MAST4: variants seen among roughly 807,000 people sequenced by gnomAD.
MAST4 encodes the protein microtubule associated serine/threonine kinase family member 4, also known as microtubule-associated serine/threonine-protein kinase 4.
A neutral mutation model predicts 162.7 loss-of-function variants in MAST4; 89 were observed. The ratio of observed to expected loss-of-function variants is 0.55; its 90% CI spans 0.46 to 0.65. MAST4 has a LOEUF of 0.65. Among genes scored for constraint, MAST4 ranks in the 30% least tolerant of loss-of-function variants. The pLI is 0.00. For missense variants in MAST4, 3,153 were observed against 3,374.0 expected (o/e 0.93, Z 1.62); for synonymous variants, 1,479 against 1,361.1 (o/e 1.09, Z -1.91).
chr5:66,996,822 C>T (rs1322289435), intron 4 of MAST4, among the ~76,000 whole-genome samples: 2 of 152,180 alleles, frequency 1.3e-5, no homozygotes, highest in African/African-American at 4.8e-5. Context: ...AGGACCAACT[C>T]CTCATCTCAA....
intron 2 of MAST4, among the ~76,000 whole-genome samples, chr5:66,776,096 A>G (rs1754588095): frequency 6.6e-6 from 1 of 152,238 alleles, no homozygotes; most frequent in South Asian, 2.1e-4. Context: ...CCTTGTAAAA[A>G]TAGAGAACGT....
At chr5:66,945,802 A>G (rs1444848961) in intron 4 of MAST4, among the ~76,000 whole-genome samples, 1 of 152,160 alleles carries the variant, frequency 6.6e-6, no homozygotes, top group Non-Finnish European at 1.5e-5. Context: ...ATGTAGTGAT[A>G]GTAGGTTTTT....
At chr5:66,984,399 G>A (rs991468680) in intron 4 of MAST4, among the ~76,000 whole-genome samples, 6 of 152,200 alleles carry the variant, frequency 3.9e-5, no homozygotes, top group Non-Finnish European at 8.8e-5. Context: ...GACTTCATAA[G>A]TTGGAGTAAG....
At chr5:66,624,844 C>T (rs1407260965) in intron 1 of MAST4, among the ~76,000 whole-genome samples, 1 of 152,156 alleles carries the variant, frequency 6.6e-6, no homozygotes, top group African/African-American at 2.4e-5. Context: ...TCATACTGGT[C>T]ACAGAAATCA....
chr5:67,096,800 T>C (rs1288922332), intron 7 of MAST4, among the ~76,000 whole-genome samples: 1 of 152,180 alleles, frequency 6.6e-6, no homozygotes, highest in Non-Finnish European at 1.5e-5. Flanking sequence ...TATCCATTAT[T>C]CCATTTTGTT....
At chr5:66,599,649 A>G (rs1300008241) in intron 1 of MAST4, among the ~76,000 whole-genome samples, 2 of 152,182 alleles carry the variant, frequency 1.3e-5, no homozygotes, top group Non-Finnish European at 2.9e-5. Flanking sequence ...TTGTCCTGTT[A>G]TTTTATTGCT....
Position 66,633,894 on chromosome 5 carries a change from G to T in MAST4, c.363+36876G>T, listed in dbSNP as rs1744939108. Among the ~76,000 whole-genome samples the T allele has an allele frequency of 2.0e-5, 3 of 152,112 alleles. No homozygotes were observed. In the South Asian group the frequency reaches 6.2e-4, roughly 31 times the overall value. The stretch of plus-strand genomic sequence containing the variant: ...TGTTTTGGTGCAAGGCCGTCAGCTT[G>T]CACTGTGGCACACTCCTGAGAAAAA... On this transcript the variant is annotated intron_variant, in intron 1 of 28. Coordinates refer to ENST00000403625, the MANE Select transcript of MAST4 (RefSeq NM_001164664.2).
intron 6 of MAST4, 104 bp downstream of exon 6, chr5:67,090,335 T>A (rs1763701088): frequency 2.4e-5 from 11 of 457,716 alleles, no homozygotes; most frequent in Non-Finnish European, 3.9e-5. Flanking sequence ...CCGTCCCCAC[T>A]TCTCCCCCTC....
intron 18 of MAST4, among the ~76,000 whole-genome samples, chr5:67,135,250 A>G (rs536036674): frequency 1.3e-5 from 2 of 152,342 alleles, no homozygotes; most frequent in Non-Finnish European, 2.9e-5. Context: ...ACAGCTGTTC[A>G]TCTTTCATTT....
intron 3 of MAST4, among the ~76,000 whole-genome samples, chr5:66,800,867 A>G (rs1755886296): frequency 6.6e-6 from 1 of 152,190 alleles, no homozygotes; most frequent in Non-Finnish European, 1.5e-5. Flanking sequence ...GTCACCATAT[A>G]CAACAAAAAT....
intron 1 of MAST4, among the ~76,000 whole-genome samples, chr5:66,743,008 C>G (rs1288903517): frequency 6.6e-6 from 1 of 152,206 alleles, no homozygotes; most frequent in African/African-American, 2.4e-5. Context: ...AATGCACTCT[C>G]ACTTCAGGGC....
intron 3 of MAST4, among the ~76,000 whole-genome samples, chr5:66,823,551 C>T (rs1408164955): frequency 6.6e-6 from 1 of 152,122 alleles, no homozygotes; most frequent in Non-Finnish European, 1.5e-5. Flanking sequence ...GATCTCGGCT[C>T]ACTGCAACCT....
chr5:66,815,374 A>G (rs1397006790), intron 3 of MAST4, among the ~76,000 whole-genome samples: 1 of 152,210 alleles, frequency 6.6e-6, no homozygotes, highest in Non-Finnish European at 1.5e-5. Flanking sequence ...GACAGATTAC[A>G]TTCACATGAC....
At chr5:67,123,874 A>G (rs768420805) in intron 14 of MAST4, among the ~76,000 whole-genome samples, 4 of 152,176 alleles carry the variant, frequency 2.6e-5, no homozygotes, top group Non-Finnish European at 4.4e-5. Context: ...AAAGAGGCGC[A>G]TGTGTGCAAG....
intron 8 of MAST4, among the ~76,000 whole-genome samples, chr5:67,101,215 A>G (rs958778476): frequency 1.3e-5 from 2 of 152,208 alleles, no homozygotes; most frequent in South Asian, 2.1e-4. Context: ...TGTGGGAGGG[A>G]AGGGAGAGGC....
intron 4 of MAST4, among the ~76,000 whole-genome samples, chr5:66,910,741 C>CTTTG (rs1763690763): frequency 5.0e-4 from 10 of 20,086 alleles, no homozygotes; most frequent in South Asian, 2.8e-3. Flanking sequence ...TTTTTTTTTT[C>CTTTG]TTTTTTTTTT....
chr5:67,027,293 G>A (rs1754770715), intron 4 of MAST4, among the ~76,000 whole-genome samples: 1 of 152,158 alleles, frequency 6.6e-6, no homozygotes, highest in South Asian at 2.1e-4. Flanking sequence ...TTGACCAAGA[G>A]TTCATACAGA....
intron 5 of MAST4, among the ~76,000 whole-genome samples, chr5:67,058,208 A>G (rs1759094212): frequency 6.6e-6 from 1 of 152,136 alleles, no homozygotes; most frequent in Admixed American, 6.5e-5. Flanking sequence ...GAACTCCACC[A>G]TGGGTGGAGG....
chr5:66,700,039 A>G (rs16895498), intron 1 of MAST4, among the ~76,000 whole-genome samples: 30,835 of 152,078 alleles, frequency 0.2, 3,605 homozygotes, highest in East Asian at 0.31. Context: ...CATGGTTGCT[A>G]TTACCGACAT....
Sources: allele counts gnomAD v4.1 joint callset (sites outside exome capture counted in the v4.1 genomes callset), GRCh38; gene constraint gnomAD v4.1.1; transcripts MANE v1.5; gene names NCBI Gene and HGNC (gene_info 2026-07-23, HGNC 2026-07-21).